SIGLEC9: variants seen among roughly 807,000 people sequenced by gnomAD.
SIGLEC9 encodes sialic acid-binding Ig-like lectin 9.
A neutral mutation model predicts 38.3 loss-of-function variants in SIGLEC9; 26 were observed. The ratio of observed to expected loss-of-function variants is 0.68; its 90% CI spans 0.50 to 0.94. The LOEUF (loss-of-function observed/expected upper bound fraction) is 0.94. Ranked by LOEUF, SIGLEC9 falls within the 40% of genes least tolerant of loss-of-function variation. The probability of loss-of-function intolerance (pLI) is 0.00; values close to 1 mark genes in which losing one functional copy is unlikely to be tolerated. For synonymous variants in SIGLEC9, 236 were observed against 248.0 expected, an observed-to-expected ratio of 0.95 and a Z score of 0.45; for missense variants, 556 against 585.7, an observed-to-expected ratio of 0.95 and a Z score of 0.52.
chr19:51,119,903 G>C, the SIGLEC9 span: 5 of 158,480 alleles, frequency 3.2e-5, no homozygotes, highest in African/African-American at 4.8e-5. Context: ...AGACCCAGAG[G>C]GGTCCTGAGC....
At chr19:51,129,365 TA>T (rs1366704426) in intron 6 of SIGLEC9, among the ~76,000 whole-genome samples, 81 of 152,044 alleles carry the variant, frequency 5.3e-4, no homozygotes, top group African/African-American at 1.9e-3. Context: ...TTCACTGTGT[TA>T]GCCAGGATGG....
upstream of SIGLEC9, among the ~76,000 whole-genome samples, chr19:51,122,075 C>T (rs1052118434): frequency 2.0e-5 from 3 of 152,130 alleles, no homozygotes; most frequent in African/African-American, 7.2e-5. The surrounding 1 kb of genome is among the most constrained non-coding windows in gnomAD (Gnocchi z 4.1). Context: ...GGTCATGCCC[C>T]AACACCTCCA....
rs767799417 is a variant in SIGLEC9 at position 51,125,727 on chromosome 19, C to T, written c.552C>T (p.Ser184=). Residue 184 remains serine, a synonymous_variant, in exon 2 of 7, where the codon TCC becomes TCT. Transcript: ENST00000250360. ...TPPMISWIGT[S]VSPLDPSTTR... is the part of the protein sequence containing the mutation. ...CTATGATCTCCTGGATAGGGACCTC[C>T]GTGTCCCCCCTGGACCCCTCCACCA... The T allele has an allele frequency of 2.2e-5, 36 of 1,613,918 alleles. No individual in the cohort carries two copies. Among genetic ancestry groups the T allele is most frequent in the East Asian group, 1.3e-4 (6 of 44,884 alleles).
intron 4 of SIGLEC9, among the ~76,000 whole-genome samples, chr19:51,127,682 A>T (rs540837022): frequency 4.6e-5 from 7 of 152,356 alleles, no homozygotes; most frequent in South Asian, 4.1e-4. Context: ...ATAATCTTTT[A>T]AAAAAAGTAA....
In SIGLEC9 at chr19:51,130,226, G is replaced by A; in HGVS notation, c.*147G>A. The stretch of plus-strand genomic sequence containing the variant: ...TTATGTGCAGAGTGAAAAGCACACA[G>A]GCTTTAGAGTCAAAGTATCTCAAAC... On this transcript the variant is annotated 3_prime_UTR_variant, in exon 7 of 7. Coordinates refer to ENST00000250360, the MANE Select transcript of SIGLEC9 (RefSeq NM_014441.3). 3 of 1,347,556 alleles carry A rather than the reference G, an allele frequency of 2.2e-6. No individual in the cohort carries two copies. The highest frequency in any genetic ancestry group is 2.9e-6 in the Non-Finnish European group (3 of 1,049,268). The allele number at this position is 1,347,556 out of a possible 1,614,324, so 83.5% of individuals were successfully genotyped here. A position where few individuals can be genotyped will look rare whatever the true frequency, so the allele number is the denominator to read the frequency against.
At chr19:51,123,587 A>G (rs1274662420), upstream of SIGLEC9, among the ~76,000 whole-genome samples, 1 of 152,226 alleles carries the variant, frequency 6.6e-6, no homozygotes, top group African/African-American at 2.4e-5. Flanking sequence ...CTAGAAAAGC[A>G]TGGAGACCAT....
At chr19:51,123,005 G>A (rs1029809738), upstream of SIGLEC9, 1 of 152,522 alleles carries the variant, frequency 6.6e-6, no homozygotes, top group Non-Finnish European at 1.5e-5. Context: ...CAGCCTAGTC[G>A]GGTGTTTGGG....
intron 3 of SIGLEC9, among the ~76,000 whole-genome samples, chr19:51,126,719 T>G (rs990163349): frequency 2.6e-5 from 4 of 152,246 alleles, no homozygotes; most frequent in Admixed American, 2.0e-4. Flanking sequence ...ATCACGGCAC[T>G]AATTTCATCC....
At chr19:51,121,766 TAG>T (rs1806951583), upstream of SIGLEC9, among the ~76,000 whole-genome samples, 1 of 152,030 alleles carries the variant, frequency 6.6e-6, no homozygotes, top group Admixed American at 6.5e-5. Flanking sequence ...TTTGTACTTT[TAG>T]TAGAAACAAC....
At chr19:51,122,057 C>T (rs1264286766), upstream of SIGLEC9, among the ~76,000 whole-genome samples, 4 of 152,254 alleles carry the variant, frequency 2.6e-5, no homozygotes, top group South Asian at 6.2e-4. This position sits in a 1 kb window ranked among gnomAD's most constrained non-coding sequence, Gnocchi z 4.1. Context: ...AGTCTAAGCT[C>T]CTCAGCTGGT....
chr19:51,123,404 C>CA (rs1437055355), upstream of SIGLEC9, among the ~76,000 whole-genome samples: 5 of 152,194 alleles, frequency 3.3e-5, no homozygotes, highest in African/African-American at 1.2e-4. Context: ...CTGCTCAAGA[C>CA]AGAACTCAGA....
At chr19:51,121,841 G>A (rs2091950861), upstream of SIGLEC9, among the ~76,000 whole-genome samples, 2 of 151,950 alleles carry the variant, frequency 1.3e-5, no homozygotes, top group Admixed American at 6.6e-5. Flanking sequence ...AACCGCCTTG[G>A]CCTCCCAAAG....
Position 51,128,332 on chromosome 19 carries a change from T to C in SIGLEC9, c.1107-82T>C, listed in dbSNP as rs1434432654. 1.0e-5 allele frequency: 15 copies of C among 1,497,498 alleles called. No homozygotes were observed. The East Asian group carries it at 2.7e-4, about 27-fold the overall frequency. 92.8% of individuals were successfully genotyped at this position (1,497,498 alleles called of 1,614,324 possible). On this transcript the variant is annotated intron_variant, in intron 5 of 6. Transcript: ENST00000250360. ...CTCAGTCACCCCTGCAGTCCCTTAA[T>C]AGGAAACACATGGGGGTACCTGGTC...
intron 6 of SIGLEC9, 52 bp from the exon 7 acceptor site, chr19:51,129,839 G>T: frequency 7.4e-7 from 1 of 1,349,016 alleles, no homozygotes. Flanking sequence ...GTGAGCCACC[G>T]CGCCCCATCC....
At chr19:51,128,086 G>A in intron 5 of SIGLEC9, 47 bp downstream of exon 5, 1 of 1,472,392 alleles carries the variant, frequency 6.8e-7, no homozygotes, top group Non-Finnish European at 9.5e-7. Flanking sequence ...CCTGGGGGAG[G>A]ACAGGCTGGA....
At chr19:51,121,060 G>T (rs1381136980), upstream of SIGLEC9, among the ~76,000 whole-genome samples, 1 of 152,158 alleles carries the variant, frequency 6.6e-6, no homozygotes, top group Non-Finnish European at 1.5e-5. Flanking sequence ...ACCCAGTTTG[G>T]TGTTGAACTC....
At chr19:51,125,480 G>C in intron 1 of SIGLEC9, 85 bp downstream of exon 1, 1 of 1,550,286 alleles carries the variant, frequency 6.5e-7, no homozygotes, top group Non-Finnish European at 8.7e-7. Flanking sequence ...TGCCCCAGGA[G>C]AGGGCTTAGG....
Position 51,127,283 on chromosome 19 carries a change from C to T in SIGLEC9, c.1002C>T (p.Asn334=), listed in dbSNP as rs144427909. The T allele has an allele frequency of 2.6e-3, 4,161 of 1,611,388 alleles. 10 individuals are homozygous for T. Among genetic ancestry groups the T allele is most frequent in the Non-Finnish European group, 3.2e-3 (3,725 of 1,178,302 alleles). Residue 334 remains asparagine, a synonymous_variant, in exon 4 of 7, where the codon AAC becomes AAT. Transcript: ENST00000250360. The part of the protein sequence containing the change: ...NPLGSQQVYL[N]VSLQSKATSG... ...TCGGCTCTCAGCAGGTCTACCTGAA[C>T]GTCTCCCTGCAGAGTGAGTGCACCA... is the stretch of plus-strand genomic sequence containing the variant.
chr19:51,124,644 TG>T (rs1403021035), upstream of SIGLEC9, among the ~76,000 whole-genome samples: 2 of 152,050 alleles, frequency 1.3e-5, no homozygotes, highest in Non-Finnish European at 2.9e-5. Flanking sequence ...ATTTTCACCC[TG>T]CAGAAAATGT....
Sources: gnomAD v4.1 joint callset for allele counts (sites outside exome capture counted in the v4.1 genomes callset) on GRCh38, gnomAD v4.1.1 for gene constraint, Gnocchi (gnomAD v3.1) non-coding constraint, MANE v1.5 for transcripts, NCBI Gene and HGNC (gene_info 2026-07-23, HGNC 2026-07-21) for gene names.